GSE1: variants seen among roughly 807,000 people sequenced by gnomAD.
The protein encoded by GSE1 is genetic suppressor element 1.
In GSE1, 32 loss-of-function variants were observed where a neutral mutation model predicts 112.6. The ratio of observed to expected loss-of-function variants is 0.28; its 90% confidence interval spans 0.21 to 0.38. The LOEUF is 0.38. Ranked by LOEUF, GSE1 falls within the 10% of genes least tolerant of loss-of-function variation. The pLI, the probability that GSE1 is intolerant of heterozygous loss-of-function variation, is 1.00. For missense variants in GSE1, 2,348 were observed against 1,699.2 expected, an observed-to-expected ratio of 1.38 and a Z score of -6.71; for synonymous variants, 1,115 against 735.6, an observed-to-expected ratio of 1.52 and a Z score of -8.35.
chr16:85,384,628 G>C (rs558302867), intron 2 of GSE1, among the ~76,000 whole-genome samples: 1 of 152,190 alleles, frequency 6.6e-6, no homozygotes, highest in African/African-American at 2.4e-5. Flanking sequence ...CTGTGCAGGC[G>C]GTGGCTCAGC....
intron 2 of GSE1, among the ~76,000 whole-genome samples, chr16:85,363,180 G>A (rs1402757213): frequency 6.6e-6 from 1 of 152,122 alleles, no homozygotes; most frequent in Admixed American, 6.5e-5. Context: ...AGACCCTACC[G>A]CTGAGTTTGG....
At chr16:85,260,120 C>T (rs1301163137) in intron 1 of GSE1, among the ~76,000 whole-genome samples, 1 of 152,120 alleles carries the variant, frequency 6.6e-6, no homozygotes, top group African/African-American at 2.4e-5. Flanking sequence ...ATGGGCAGCC[C>T]CCCCGCAGCA....
At chr16:85,576,738 G>A (rs1182835064) in intron 1 of GSE1, among the ~76,000 whole-genome samples, 1 of 152,182 alleles carries the variant, frequency 6.6e-6, no homozygotes, top group Non-Finnish European at 1.5e-5. Context: ...AAGCAGTTGT[G>A]TCCTGGGGTT....
At chr16:85,478,275 G>C (rs12924742) in intron 2 of GSE1, among the ~76,000 whole-genome samples, 1 of 151,758 alleles carries the variant, frequency 6.6e-6, no homozygotes, top group Non-Finnish European at 1.5e-5. Context: ...GCCTGTCATC[G>C]CAGCACCTTG....
chr16:85,641,704 T>C (rs2050463286), intron 2 of GSE1, among the ~76,000 whole-genome samples: 2 of 152,236 alleles, frequency 1.3e-5, no homozygotes, highest in African/African-American at 4.8e-5. Flanking sequence ...CCATTCCCAG[T>C]GGGTGGGGGG....
At chr16:85,506,395 A>C (rs1200484569) in intron 2 of GSE1, among the ~76,000 whole-genome samples, 1 of 152,100 alleles carries the variant, frequency 6.6e-6, no homozygotes, top group Non-Finnish European at 1.5e-5. Flanking sequence ...GGGAAGGCTC[A>C]GCTGATGGAT....
intron 1 of GSE1, among the ~76,000 whole-genome samples, chr16:85,625,870 A>G (rs987593042): frequency 6.6e-6 from 1 of 152,062 alleles, no homozygotes; most frequent in Non-Finnish European, 1.5e-5. Context: ...TGGCTCAGTG[A>G]GCGTGGCAGA....
chr16:85,615,028 C>A (rs1254030053), intron 1 of GSE1, among the ~76,000 whole-genome samples: 1 of 152,238 alleles, frequency 6.6e-6, no homozygotes. Flanking sequence ...TCTGGGATTC[C>A]GTGCTCCCGC....
chr16:85,518,620 GCAGCGCCT>G (rs1375904797), intron 2 of GSE1, among the ~76,000 whole-genome samples: 1 of 152,160 alleles, frequency 6.6e-6, no homozygotes, highest in African/African-American at 2.4e-5. Context: ...AATGGGGACA[GCAGCGCCT>G]CAGTGCTGCA....
chr16:85,414,926 G>A (rs566497249), intron 2 of GSE1, among the ~76,000 whole-genome samples: 3 of 152,128 alleles, frequency 2.0e-5, no homozygotes, highest in Admixed American at 6.5e-5. Flanking sequence ...ATGAGCCACC[G>A]TGCCCAGCCT....
At chr16:85,649,243 C>G in intron 3 of GSE1, among the ~76,000 whole-genome samples, 1 of 152,234 alleles carries the variant, frequency 6.6e-6, no homozygotes, top group Admixed American at 6.5e-5. Context: ...AATGCAGTTC[C>G]GTTCTGAGGC....
At chr16:85,641,783 G>C (rs1252383767) in intron 2 of GSE1, among the ~76,000 whole-genome samples, 2 of 152,262 alleles carry the variant, frequency 1.3e-5, no homozygotes, top group Admixed American at 1.3e-4. Flanking sequence ...AAAGTGGCTG[G>C]GGTGACTCAG....
intron 1 of GSE1, among the ~76,000 whole-genome samples, chr16:85,560,917 C>T (rs894151138): frequency 2.0e-5 from 3 of 151,988 alleles, no homozygotes; most frequent in Non-Finnish European, 4.4e-5. Flanking sequence ...TCACTTGAGC[C>T]CAGGAGCTCG....
At chr16:85,656,314 G>A (rs1354530629) in intron 6 of GSE1, 29 bp from the exon 7 acceptor site, 1 of 1,606,946 alleles carries the variant, frequency 6.2e-7, no homozygotes, top group East Asian at 2.2e-5. Flanking sequence ...TGGTGCAGCA[G>A]AGCCCCCAAC....
At chr16:85,287,081 G>A (rs917081350) in intron 1 of GSE1, among the ~76,000 whole-genome samples, 5 of 152,194 alleles carry the variant, frequency 3.3e-5, no homozygotes, top group African/African-American at 7.2e-5. Context: ...CTCCGGGGAC[G>A]GGGACTGAGC....
At chr16:85,264,484 C>T (rs562497152) in intron 1 of GSE1, among the ~76,000 whole-genome samples, 4 of 152,218 alleles carry the variant, frequency 2.6e-5, no homozygotes, top group Middle Eastern at 3.4e-3. Context: ...CCAGCATCAC[C>T]GCCTCCCTCC....
intron 1 of GSE1, among the ~76,000 whole-genome samples, chr16:85,335,171 C>A (rs566914945): frequency 1.6e-4 from 24 of 152,246 alleles, no homozygotes; most frequent in African/African-American, 4.8e-4. Flanking sequence ...AGCCAGGGAA[C>A]CTCGGAGGGT....
intron 2 of GSE1, among the ~76,000 whole-genome samples, chr16:85,481,724 A>T (rs13336843): frequency 0.045 from 6,807 of 152,274 alleles, 243 homozygotes; most frequent in East Asian, 0.14. Context: ...CCGCCAGAGC[A>T]AATGCATTTA....
intron 2 of GSE1, among the ~76,000 whole-genome samples, chr16:85,375,779 C>T (rs1412210158): frequency 1.3e-5 from 2 of 152,236 alleles, no homozygotes; most frequent in African/African-American, 4.8e-5. Context: ...CCACACTGCC[C>T]GCCTCCAGTA....
Sources: gnomAD v4.1 joint callset for allele counts (sites outside exome capture counted in the v4.1 genomes callset) on GRCh38, gnomAD v4.1.1 for gene constraint, MANE v1.5 for transcripts, NCBI Gene and HGNC (gene_info 2026-07-23, HGNC 2026-07-21) for gene names.